The following EYS variants were observed in gnomAD, a reference collection of about 807,000 sequenced individuals.
The protein encoded by EYS is protein eyes shut homolog.
In EYS, 250 loss-of-function variants were observed where a neutral mutation model predicts 282.1. The observed-to-expected ratio is 0.89, with a 90% confidence interval of 0.80 to 0.98. The LOEUF (loss-of-function observed/expected upper bound fraction) is 0.98, where lower values mean the gene tolerates loss of function less well. Ranked by LOEUF, EYS falls within the 50% of genes least tolerant of loss-of-function variation. The pLI, the probability that EYS is intolerant of heterozygous loss-of-function variation, is 0.00. For synonymous variants in EYS, 1,355 were observed against 1,282.9 expected (o/e 1.06, Z -1.20); for missense variants, 4,016 against 3,709.0 (o/e 1.08, Z -2.15).
intron 31 of EYS, among the ~76,000 whole-genome samples, chr6:64,224,973 T>C (rs1766212588): frequency 6.6e-6 from 1 of 152,110 alleles, no homozygotes; most frequent in Non-Finnish European, 1.5e-5. Context: ...GGCAGTGGGT[T>C]AGCATATGGT....
intron 39 of EYS, among the ~76,000 whole-genome samples, chr6:63,779,923 G>T (rs181230289): frequency 6.6e-6 from 1 of 152,074 alleles, no homozygotes; most frequent in Non-Finnish European, 1.5e-5. Context: ...ACAGGCCCCA[G>T]TGTGTGATGT....
intron 5 of EYS, among the ~76,000 whole-genome samples, chr6:65,439,998 A>T (rs1273095809): frequency 6.6e-6 from 1 of 152,048 alleles, no homozygotes; most frequent in Non-Finnish European, 1.5e-5. Flanking sequence ...TAGGAGGAGG[A>T]GGTGTTTCAG....
intron 31 of EYS, among the ~76,000 whole-genome samples, chr6:64,122,478 A>T (rs1173582249): frequency 6.6e-6 from 1 of 152,126 alleles, no homozygotes; most frequent in East Asian, 1.9e-4. Context: ...TAAACATTTT[A>T]TGGTATTAAG....
chr6:65,220,012 A>C (rs1014737432), intron 12 of EYS, among the ~76,000 whole-genome samples: 7 of 152,102 alleles, frequency 4.6e-5, no homozygotes, highest in Non-Finnish European at 1.0e-4. Context: ...GGAGGCATAA[A>C]GGCAAACCAT....
At chr6:65,573,899 C>A (rs1204955351) in intron 2 of EYS, among the ~76,000 whole-genome samples, 1 of 152,122 alleles carries the variant, frequency 6.6e-6, no homozygotes, top group Non-Finnish European at 1.5e-5. Context: ...CAGTGTAAGC[C>A]TCTATGACCC....
intron 12 of EYS, among the ~76,000 whole-genome samples, chr6:65,191,941 A>G (rs532941715): frequency 1.4e-5 from 2 of 142,424 alleles, no homozygotes; most frequent in African/African-American, 5.3e-5. Context: ...CATTGTATTC[A>G]TTTGTACTTT....
At chr6:64,324,970 CAAAT>C (rs772295225) in intron 29 of EYS, among the ~76,000 whole-genome samples, 1 of 152,134 alleles carries the variant, frequency 6.6e-6, no homozygotes, top group Non-Finnish European at 1.5e-5. Flanking sequence ...AGAGATGACA[CAAAT>C]GAATGGAAAA....
chr6:65,350,578 G>T (rs1468490628), intron 9 of EYS, among the ~76,000 whole-genome samples: 3 of 151,548 alleles, frequency 2.0e-5, no homozygotes, highest in Non-Finnish European at 4.4e-5. Flanking sequence ...AGATTTAAAA[G>T]AATTTCTCTT....
chr6:64,519,616 C>G (rs763278936), intron 26 of EYS, among the ~76,000 whole-genome samples: 42 of 151,766 alleles, frequency 2.8e-4, no homozygotes, highest in Non-Finnish European at 1.6e-4. Context: ...CTTTTGAAGG[C>G]TTTGGAAAAA....
At chr6:64,229,452 T>C (rs949709097) in intron 31 of EYS, among the ~76,000 whole-genome samples, 5 of 152,182 alleles carry the variant, frequency 3.3e-5, no homozygotes, top group Non-Finnish European at 5.9e-5. Context: ...CCTTAAATTA[T>C]AGCAGAAAGC....
At chr6:64,708,450 G>A (rs1771103729) in intron 22 of EYS, among the ~76,000 whole-genome samples, 1 of 152,084 alleles carries the variant, frequency 6.6e-6, no homozygotes, top group Non-Finnish European at 1.5e-5. Flanking sequence ...TCCTGGGGAA[G>A]GAAGTCTGAT....
At chr6:64,907,167 CT>C (rs1767855058) in intron 16 of EYS, among the ~76,000 whole-genome samples, 1 of 152,144 alleles carries the variant, frequency 6.6e-6, no homozygotes. Context: ...ATCCCTCCTG[CT>C]TTAGCCTCCT....
chr6:64,306,819 G>T, intron 30 of EYS, 151 bp downstream of exon 30: 2 of 584,032 alleles, frequency 3.4e-6, no homozygotes, highest in South Asian at 2.1e-5. Flanking sequence ...TCAATAAACT[G>T]TAAAAGAGTG....
intron 2 of EYS, among the ~76,000 whole-genome samples, chr6:65,587,409 C>A (rs1221327215): frequency 1.3e-5 from 2 of 152,032 alleles, no homozygotes; most frequent in Non-Finnish European, 2.9e-5. Flanking sequence ...GTCCCCAGTG[C>A]TATTCTCATG....
chr6:64,701,656 G>T (rs1198651765), intron 22 of EYS, among the ~76,000 whole-genome samples: 3 of 151,992 alleles, frequency 2.0e-5, no homozygotes, highest in Admixed American at 6.6e-5. Context: ...GTGTACATAT[G>T]GACATAAAGT....
intron 5 of EYS, among the ~76,000 whole-genome samples, chr6:65,432,003 C>A (rs1767906679): frequency 6.6e-6 from 1 of 152,050 alleles, no homozygotes; most frequent in Admixed American, 6.6e-5. Flanking sequence ...AACAATTCCT[C>A]ACTAGATTCC....
At chr6:64,041,014 T>C (rs185933928) in intron 33 of EYS, among the ~76,000 whole-genome samples, 10 of 152,280 alleles carry the variant, frequency 6.6e-5, no homozygotes. Flanking sequence ...AGAGAAGGTA[T>C]TCAGTTACAT....
intron 35 of EYS, among the ~76,000 whole-genome samples, chr6:63,927,686 T>C (rs1293809272): frequency 6.6e-6 from 1 of 152,216 alleles, no homozygotes; most frequent in Non-Finnish European, 1.5e-5. Context: ...TGTGTCAAGA[T>C]GGAAACCAGT....
intron 29 of EYS, among the ~76,000 whole-genome samples, chr6:64,335,643 G>A (rs1035891522): frequency 6.6e-6 from 1 of 151,996 alleles, no homozygotes; most frequent in African/African-American, 2.4e-5. Context: ...ACCTTTTTCA[G>A]TCTCTCCAGT....
Sources: gnomAD v4.1 joint callset for allele counts (sites outside exome capture counted in the v4.1 genomes callset) on GRCh38, gnomAD v4.1.1 for gene constraint, MANE v1.5 for transcripts, NCBI Gene and HGNC (gene_info 2026-07-23, HGNC 2026-07-21) for gene names.